The following SPOCK1 variants were observed in gnomAD, a reference collection of about 807,000 sequenced individuals.
SPOCK1 encodes SPARC (osteonectin), cwcv and kazal like domains proteoglycan 1.
Under a neutral mutation model 55.3 loss-of-function variants are expected in SPOCK1, and 23 were observed. The ratio of observed to expected loss-of-function variants is 0.42; its 90% confidence interval spans 0.30 to 0.59. SPOCK1 has a LOEUF of 0.59. Among genes scored for constraint, SPOCK1 ranks in the 20% least tolerant of loss-of-function variants. SPOCK1 has a pLI of 0.22. For missense variants in SPOCK1, 499 were observed against 552.5 expected (o/e 0.90, Z 0.97); for synonymous variants, 226 against 221.0 (o/e 1.02, Z -0.20).
intron 2 of SPOCK1, among the ~76,000 whole-genome samples, chr5:137,394,112 C>T (rs1053602052): frequency 6.6e-6 from 1 of 152,188 alleles, no homozygotes; most frequent in Non-Finnish European, 1.5e-5. Context: ...TCTCTGAATC[C>T]TTGGTGTGCA....
chr5:137,170,369 C>T (rs796861979), intron 3 of SPOCK1, among the ~76,000 whole-genome samples: 4 of 152,172 alleles, frequency 2.6e-5, no homozygotes, highest in Non-Finnish European at 4.4e-5. Context: ...AAGCACTCCA[C>T]AAGCATTATC....
intron 6 of SPOCK1, among the ~76,000 whole-genome samples, chr5:137,016,532 C>G (rs1407116527): frequency 1.3e-5 from 2 of 152,148 alleles, no homozygotes; most frequent in South Asian, 2.1e-4. Context: ...CTGTGGGAAA[C>G]AGGCTTGTAC....
intron 3 of SPOCK1, among the ~76,000 whole-genome samples, chr5:137,251,305 T>C (rs944652476): frequency 6.6e-6 from 1 of 152,208 alleles, no homozygotes; most frequent in African/African-American, 2.4e-5. Flanking sequence ...CAATAAACTA[T>C]TTTCTTGTTG....
chr5:137,341,021 C>T (rs545664787), intron 2 of SPOCK1, among the ~76,000 whole-genome samples: 55 of 152,318 alleles, frequency 3.6e-4, no homozygotes, highest in Middle Eastern at 3.4e-3. Context: ...CACCCCTCCA[C>T]GGGACCATAG....
intron 2 of SPOCK1, among the ~76,000 whole-genome samples, chr5:137,438,428 C>A (rs1373748831): frequency 1.3e-5 from 2 of 152,062 alleles, no homozygotes; most frequent in African/African-American, 4.8e-5. Context: ...CAGAGAAAAC[C>A]CAAACCAGGC....
At chr5:137,108,587 C>T (rs1179569436) in intron 5 of SPOCK1, among the ~76,000 whole-genome samples, 1 of 152,108 alleles carries the variant, frequency 6.6e-6, no homozygotes, top group East Asian at 1.9e-4. Flanking sequence ...TCTTTTGGGG[C>T]TTCGGTATAT....
intron 2 of SPOCK1, among the ~76,000 whole-genome samples, chr5:137,277,260 C>G (rs1007430610): frequency 1.3e-5 from 2 of 152,186 alleles, no homozygotes; most frequent in African/African-American, 4.8e-5. Context: ...TGTGATCCTC[C>G]TGCCTCAGCC....
chr5:137,055,939 G>A (rs986495763), intron 6 of SPOCK1, among the ~76,000 whole-genome samples: 1 of 152,108 alleles, frequency 6.6e-6, no homozygotes, highest in African/African-American at 2.4e-5. Flanking sequence ...TCAGGTGGAG[G>A]AACCTGCCTC....
At chr5:137,482,313 T>G (rs1753967387) in intron 2 of SPOCK1, among the ~76,000 whole-genome samples, 2 of 152,184 alleles carry the variant, frequency 1.3e-5, no homozygotes, top group Admixed American at 1.3e-4. Context: ...GGACTTGATG[T>G]AGACTCACAG....
At chr5:137,379,532 C>G (rs142262260) in intron 2 of SPOCK1, among the ~76,000 whole-genome samples, 1 of 144,398 alleles carries the variant, frequency 6.9e-6, no homozygotes, top group African/African-American at 2.6e-5. Flanking sequence ...TACCCACCCC[C>G]CCACCCCACC....
intron 6 of SPOCK1, among the ~76,000 whole-genome samples, chr5:137,012,834 A>G (rs1229915319): frequency 6.6e-6 from 1 of 152,262 alleles, no homozygotes; most frequent in Non-Finnish European, 1.5e-5. Context: ...CATAGAAAAA[A>G]TAACCTAGAA....
intron 3 of SPOCK1, among the ~76,000 whole-genome samples, chr5:137,153,681 C>T (rs1473773184): frequency 1.3e-5 from 2 of 151,670 alleles, no homozygotes; most frequent in Admixed American, 1.3e-4. Flanking sequence ...TAGCAAAACC[C>T]TGTCTCTACA....
chr5:137,073,404 C>CA (rs35603568), intron 5 of SPOCK1, among the ~76,000 whole-genome samples: 45,501 of 151,904 alleles, frequency 0.3, 7,033 homozygotes, highest in African/African-American at 0.38. Context: ...GAAGGAGGGT[C>CA]AAGGAAAAAG....
chr5:137,173,417 C>A (rs1754791646), intron 3 of SPOCK1, among the ~76,000 whole-genome samples: 1 of 152,076 alleles, frequency 6.6e-6, no homozygotes, highest in Admixed American at 6.6e-5. Flanking sequence ...TGTTTCTTGC[C>A]ACCAAGATGC....
At chr5:137,237,212 C>T (rs1305016683) in intron 3 of SPOCK1, among the ~76,000 whole-genome samples, 1 of 152,192 alleles carries the variant, frequency 6.6e-6, no homozygotes, top group Non-Finnish European at 1.5e-5. Context: ...TTTGGTGGCA[C>T]TGTGTGCAGA....
At chr5:137,355,389 A>C (rs544819437) in intron 2 of SPOCK1, among the ~76,000 whole-genome samples, 1 of 152,040 alleles carries the variant, frequency 6.6e-6, no homozygotes, top group Non-Finnish European at 1.5e-5. Context: ...GGGTCTCACT[A>C]TGTTACCCAA....
chr5:137,482,756 C>A (rs1203755307), intron 2 of SPOCK1, among the ~76,000 whole-genome samples: 3 of 152,132 alleles, frequency 2.0e-5, no homozygotes, highest in Non-Finnish European at 4.4e-5. Context: ...CCAAGATGTG[C>A]AGAGAAACAA....
At chr5:137,319,994 C>G (rs779708548) in intron 2 of SPOCK1, among the ~76,000 whole-genome samples, 103 of 149,492 alleles carry the variant, frequency 6.9e-4, no homozygotes, top group Non-Finnish European at 5.5e-4. Flanking sequence ...TCCAAAAAGC[C>G]TTTATGAGAA....
At chr5:137,042,300 T>C (rs1299146445) in intron 6 of SPOCK1, among the ~76,000 whole-genome samples, 1 of 152,014 alleles carries the variant, frequency 6.6e-6, no homozygotes, top group Non-Finnish European at 1.5e-5. Context: ...GGTTTTGAGG[T>C]AGGGAAAAAG....
Sources: allele counts gnomAD v4.1 joint callset (sites outside exome capture counted in the v4.1 genomes callset), GRCh38; gene constraint gnomAD v4.1.1; transcripts MANE v1.5; gene names NCBI Gene and HGNC (gene_info 2026-07-23, HGNC 2026-07-21).